Variants in RBMS3 observed in about 807,000 individuals in gnomAD.
The protein encoded by RBMS3 is RNA-binding motif, single-stranded-interacting protein 3.
A neutral mutation model predicts 66.8 loss-of-function variants in RBMS3; 27 were observed. That is an observed-to-expected ratio of 0.40 (90% CI 0.30 to 0.56). RBMS3 has a LOEUF of 0.56. Among genes scored for constraint, RBMS3 ranks in the 20% least tolerant of loss-of-function variants. The probability of loss-of-function intolerance (pLI) is 0.40; values close to 1 mark genes in which losing one functional copy is unlikely to be tolerated. For missense variants in RBMS3, 513 were observed against 549.5 expected, an observed-to-expected ratio of 0.93 and a Z score of 0.66; for synonymous variants, 188 against 183.0, an observed-to-expected ratio of 1.03 and a Z score of -0.22.
chr3:30,000,872 T>C (rs1018579391), intron 14 of RBMS3, among the ~76,000 whole-genome samples: 7 of 151,868 alleles, frequency 4.6e-5, no homozygotes, highest in Non-Finnish European at 8.8e-5. Context: ...GCGCATCACA[T>C]ACTGGGGCCT....
chr3:29,779,604 A>G (rs1479216104), intron 6 of RBMS3, among the ~76,000 whole-genome samples: 1 of 150,778 alleles, frequency 6.6e-6, no homozygotes, highest in African/African-American at 2.4e-5. Flanking sequence ...ACCTGAACAG[A>G]GTTCCTTCTG....
At chr3:29,825,351 A>T (rs1319614816) in intron 6 of RBMS3, among the ~76,000 whole-genome samples, 1 of 151,870 alleles carries the variant, frequency 6.6e-6, no homozygotes, top group Non-Finnish European at 1.5e-5. Context: ...TTCATTTTTT[A>T]TGTGTTGTAC....
chr3:29,597,499 T>A (rs2047986698), intron 4 of RBMS3, among the ~76,000 whole-genome samples: 1 of 152,128 alleles, frequency 6.6e-6, no homozygotes, highest in Admixed American at 6.6e-5. Flanking sequence ...CATACTCAGT[T>A]TAATCCTCTT....
At chr3:29,435,048 T>A in intron 2 of RBMS3, 133 bp downstream of exon 2, 1 of 944,116 alleles carries the variant, frequency 1.1e-6, no homozygotes, top group Non-Finnish European at 1.5e-6. Context: ...AAACAGGACT[T>A]AAATTTGAGA....
chr3:29,897,968 T>C (rs760841675), intron 9 of RBMS3, among the ~76,000 whole-genome samples: 3 of 151,638 alleles, frequency 2.0e-5, no homozygotes, highest in Non-Finnish European at 3.0e-5. Context: ...TGGTAAAAAG[T>C]TGTTCGTATT....
At chr3:29,996,304 C>G (rs879674514) in intron 14 of RBMS3, among the ~76,000 whole-genome samples, 3,860 of 151,332 alleles carry the variant, frequency 0.026, 59 homozygotes, top group South Asian at 0.048. Context: ...CTTAGACTCC[C>G]ACACATTAAT....
At chr3:29,911,972 A>G (rs913340573) in intron 10 of RBMS3, among the ~76,000 whole-genome samples, 1 of 149,860 alleles carries the variant, frequency 6.7e-6, no homozygotes, top group Non-Finnish European at 1.5e-5. Flanking sequence ...GGAGAAACAC[A>G]TACATAATAG....
intron 1 of RBMS3, among the ~76,000 whole-genome samples, chr3:29,290,474 T>C (rs1350674999): frequency 6.6e-6 from 1 of 151,786 alleles, no homozygotes; most frequent in Non-Finnish European, 1.5e-5. Context: ...GAACTACCCT[T>C]GGAGGGTGGT....
chr3:29,528,501 C>G (rs548235310), intron 3 of RBMS3, among the ~76,000 whole-genome samples: 1 of 152,256 alleles, frequency 6.6e-6, no homozygotes, highest in African/African-American at 2.4e-5. Flanking sequence ...CATCAGCACA[C>G]ATTATTCAAG....
At chr3:29,928,211 T>TATATATATATATATACACAC (rs1291440563) in intron 10 of RBMS3, among the ~76,000 whole-genome samples, 1 of 93,508 alleles carries the variant, frequency 1.1e-5, no homozygotes, top group Non-Finnish European at 2.1e-5. Flanking sequence ...TATATATATA[T>TATATATATATATATACACAC]ACACACACAC....
At chr3:29,541,880 G>T (rs1275004017) in intron 3 of RBMS3, among the ~76,000 whole-genome samples, 1 of 151,744 alleles carries the variant, frequency 6.6e-6, no homozygotes, top group Non-Finnish European at 1.5e-5. Flanking sequence ...CCCCTCCTTG[G>T]TGTACATGCT....
At chr3:29,529,650 T>G (rs913606445) in intron 3 of RBMS3, among the ~76,000 whole-genome samples, 2 of 152,204 alleles carry the variant, frequency 1.3e-5, no homozygotes, top group Admixed American at 6.5e-5. Flanking sequence ...GCCATTCCAC[T>G]GGGAAATAGT....
At chr3:29,874,369 T>C (rs3773112) in intron 7 of RBMS3, among the ~76,000 whole-genome samples, 38,628 of 152,084 alleles carry the variant, frequency 0.25, 6,727 homozygotes, top group African/African-American at 0.5. Flanking sequence ...CGTCTAGGCT[T>C]AGAATATCTT....
intron 4 of RBMS3, among the ~76,000 whole-genome samples, chr3:29,692,274 G>A (rs1385486509): frequency 2.6e-5 from 4 of 151,890 alleles, no homozygotes; most frequent in East Asian, 1.9e-4. Flanking sequence ...GAGCCACCGC[G>A]CCCGACCTCT....
intron 12 of RBMS3, among the ~76,000 whole-genome samples, chr3:29,951,249 G>C (rs60822932): frequency 8.6e-5 from 13 of 151,822 alleles, no homozygotes; most frequent in Admixed American, 7.2e-4. Flanking sequence ...AGACGATTTT[G>C]ATTGTGTGTT....
chr3:29,293,999 C>T (rs1444322914), intron 1 of RBMS3, among the ~76,000 whole-genome samples: 4 of 151,504 alleles, frequency 2.6e-5, no homozygotes, highest in Non-Finnish European at 5.9e-5. Flanking sequence ...GCTTTTCAAA[C>T]ATAACTGTAC....
At chr3:29,858,514 T>C (rs2059135707) in intron 6 of RBMS3, among the ~76,000 whole-genome samples, 1 of 152,176 alleles carries the variant, frequency 6.6e-6, no homozygotes, top group Admixed American at 6.5e-5. Context: ...CCACACAAGT[T>C]TCGCTAGTCT....
chr3:29,778,150 C>T (rs900387224), intron 6 of RBMS3, among the ~76,000 whole-genome samples: 3 of 151,856 alleles, frequency 2.0e-5, no homozygotes, highest in Non-Finnish European at 4.4e-5. Context: ...ATGTATTAGT[C>T]CTGGATCCAA....
chr3:29,512,180 A>G (rs569574073), intron 3 of RBMS3, among the ~76,000 whole-genome samples: 1 of 152,052 alleles, frequency 6.6e-6, no homozygotes, highest in African/African-American at 2.4e-5. Flanking sequence ...GGTCTTCCTT[A>G]TTTTTCATCA....
Sources: allele counts gnomAD v4.1 joint callset (sites outside exome capture counted in the v4.1 genomes callset), GRCh38; gene constraint gnomAD v4.1.1; transcripts MANE v1.5; gene names NCBI Gene and HGNC (gene_info 2026-07-23, HGNC 2026-07-21).